Variants in STPG2 observed in about 807,000 individuals in gnomAD.
The protein encoded by STPG2 is sperm-tail PG-rich repeat-containing protein 2.
In STPG2, 56 loss-of-function variants were observed where a neutral mutation model predicts 54.2. That is an observed-to-expected ratio of 1.03 (90% CI 0.83 to 1.29). STPG2 has a LOEUF of 1.29. Ranked by LOEUF, STPG2 falls within the 50% of genes most tolerant of loss-of-function variation. STPG2 has a pLI of 0.00. For missense variants in STPG2, 596 were observed against 544.9 expected, an observed-to-expected ratio of 1.09 and a Z score of -0.93; for synonymous variants, 200 against 181.8, an observed-to-expected ratio of 1.10 and a Z score of -0.81.
chr4:98,097,136 C>G (rs1295354239), intron 5 of STPG2, among the ~76,000 whole-genome samples: 1 of 152,090 alleles, frequency 6.6e-6, no homozygotes, highest in Admixed American at 6.6e-5. Context: ...GCCAGTATTA[C>G]CCCGATACCA....
rs144374047 is a variant in STPG2 at position 97,505,785 on chromosome 4, C to A, written c.462+206914G>T. Among the ~76,000 whole-genome samples the A allele has an allele frequency of 3.3e-3, 503 of 151,650 alleles. 1 individual carries two copies. The highest frequency in any genetic ancestry group is 0.012 in the African/African-American group (488 of 41,410). ...GCAACTCCAGGAGGCATGCTGTATC[C>A]TAAGTGGTGGTCTTGACATTGTGCC... On this transcript the variant is annotated intron_variant, in intron 4 of 4. Transcript: ENST00000522676.
At chr4:97,538,630 C>A (rs1169259785) in intron 4 of STPG2, among the ~76,000 whole-genome samples, 1 of 152,138 alleles carries the variant, frequency 6.6e-6, no homozygotes, top group African/African-American at 2.4e-5. Context: ...AGCATATTAT[C>A]CAGGAGAACT....
chr4:97,555,554 T>C (rs559939568), downstream of STPG2, among the ~76,000 whole-genome samples: 126 of 152,274 alleles, frequency 8.3e-4, no homozygotes, highest in African/African-American at 3.0e-3. Context: ...AGACATCACA[T>C]TATCTGTCAT....
At chr4:97,819,840 G>GA (rs1245894565) in intron 9 of STPG2, among the ~76,000 whole-genome samples, 1 of 152,028 alleles carries the variant, frequency 6.6e-6, no homozygotes, top group Non-Finnish European at 1.5e-5. Flanking sequence ...AGAACACAAT[G>GA]AAAAAATTGA....
At chr4:97,587,136 T>C (rs2148895373) in intron 10 of STPG2, among the ~76,000 whole-genome samples, 1 of 152,132 alleles carries the variant, frequency 6.6e-6, no homozygotes, top group Non-Finnish European at 1.5e-5. Flanking sequence ...TCAGAATGAT[T>C]AACACATATT....
intron 7 of STPG2, among the ~76,000 whole-genome samples, chr4:97,961,769 C>T (rs997395123): frequency 2.0e-5 from 3 of 152,118 alleles, no homozygotes; most frequent in Admixed American, 1.3e-4. Context: ...AGAACGTAAA[C>T]TAGTACAACC....
chr4:98,032,892 A>G (rs1157698516), intron 5 of STPG2, among the ~76,000 whole-genome samples: 1 of 152,198 alleles, frequency 6.6e-6, no homozygotes, highest in Non-Finnish European at 1.5e-5. Flanking sequence ...ATTTGAAACC[A>G]ATGAGAACAA....
intron 4 of STPG2, among the ~76,000 whole-genome samples, chr4:97,446,329 C>T (rs1729221105): frequency 6.6e-6 from 1 of 152,184 alleles, no homozygotes; most frequent in Non-Finnish European, 1.5e-5. Context: ...TAGAGGAACA[C>T]AGATTGTCTT....
At chr4:97,938,367 G>A (rs1168318638) in intron 8 of STPG2, among the ~76,000 whole-genome samples, 1 of 152,086 alleles carries the variant, frequency 6.6e-6, no homozygotes, top group Non-Finnish European at 1.5e-5. Flanking sequence ...AAGCTGAGCT[G>A]TCTTAGGCAG....
intron 4 of STPG2, among the ~76,000 whole-genome samples, chr4:97,510,596 C>A (rs1328449190): frequency 6.6e-6 from 1 of 151,986 alleles, no homozygotes; most frequent in African/African-American, 2.4e-5. Flanking sequence ...TCATGGAAGA[C>A]AATTTTTCCA....
chr4:97,949,949 TAA>T (rs1035500658), intron 7 of STPG2, among the ~76,000 whole-genome samples: 26 of 152,166 alleles, frequency 1.7e-4, no homozygotes, highest in Non-Finnish European at 3.1e-4. Flanking sequence ...TTTGGATATC[TAA>T]ATCACCAGCA....
At chr4:98,118,972 T>C (rs1739595852) in intron 3 of STPG2, among the ~76,000 whole-genome samples, 1 of 152,144 alleles carries the variant, frequency 6.6e-6, no homozygotes, top group Non-Finnish European at 1.5e-5. Flanking sequence ...AGCTCTTCTT[T>C]ATAGTAAAAT....
Position 97,963,777 on chromosome 4 carries a change from T to C in STPG2, c.933+8503A>G, listed in dbSNP as rs1158020326. Among the ~76,000 whole-genome samples, 3 of 151,806 alleles carry C rather than the reference T, an allele frequency of 2.0e-5. No homozygotes were observed. The South Asian group carries it at 6.2e-4, about 31-fold the overall frequency. On this transcript the variant is annotated intron_variant, in intron 7 of 10. Coordinates refer to ENST00000295268, the MANE Select transcript of STPG2 (RefSeq NM_174952.3). ...TACTTATATCGGACTAAATGAACAA[T>C]AGAAATTAAAGACAAATATCAAAGG...
At chr4:97,533,791 C>A (rs772546344) in intron 4 of STPG2, among the ~76,000 whole-genome samples, 1 of 151,952 alleles carries the variant, frequency 6.6e-6, no homozygotes, top group African/African-American at 2.4e-5. Context: ...TTTTTGTTGA[C>A]ATACATTTGG....
chr4:97,675,095 C>T (rs889863925), intron 10 of STPG2, among the ~76,000 whole-genome samples: 1 of 152,114 alleles, frequency 6.6e-6, no homozygotes, highest in Admixed American at 6.5e-5. Flanking sequence ...CCTCTACCTC[C>T]TGGGTTCAAG....
At chr4:97,566,082 G>C (rs2148879372) in intron 10 of STPG2, among the ~76,000 whole-genome samples, 1 of 152,292 alleles carries the variant, frequency 6.6e-6, no homozygotes, top group Admixed American at 6.5e-5. Flanking sequence ...GCTGTGGTGG[G>C]CTCCACCCAG....
intron 9 of STPG2, among the ~76,000 whole-genome samples, chr4:97,742,973 C>G (rs1578526455): frequency 6.6e-6 from 1 of 151,640 alleles, no homozygotes; most frequent in East Asian, 1.9e-4. Context: ...CTGTAATAAT[C>G]ATTTCACTAT....
intron 10 of STPG2, among the ~76,000 whole-genome samples, chr4:97,700,705 A>C (rs1003184208): frequency 2.6e-5 from 4 of 152,216 alleles, no homozygotes; most frequent in Non-Finnish European, 5.9e-5. Context: ...GGGTCTCTCC[A>C]AATAAGATTA....
intron 5 of STPG2, among the ~76,000 whole-genome samples, chr4:98,053,887 T>C (rs754589331): frequency 1.5e-4 from 23 of 152,166 alleles, no homozygotes; most frequent in Non-Finnish European, 2.4e-4. Context: ...TGTTGGATGA[T>C]ATGCTTCTAA....
Sources: gnomAD v4.1 joint callset for allele counts (sites outside exome capture counted in the v4.1 genomes callset) on GRCh38, gnomAD v4.1.1 for gene constraint, MANE v1.5 for transcripts, NCBI Gene and HGNC (gene_info 2026-07-23, HGNC 2026-07-21) for gene names.